The following CHMP1A variants were observed in gnomAD, a reference collection of about 807,000 sequenced individuals.
CHMP1A encodes the protein VPS46 homolog A.
In CHMP1A, 17 loss-of-function variants were observed where a neutral mutation model predicts 27.0. That is an observed-to-expected ratio of 0.63 (90% CI 0.43 to 0.95). The LOEUF is 0.95. Ranked by LOEUF, CHMP1A falls within the 40% of genes least tolerant of loss-of-function variation. The pLI is 0.00. For missense variants in CHMP1A, 275 were observed against 264.0 expected, an observed-to-expected ratio of 1.04 and a Z score of -0.29; for synonymous variants, 131 against 107.5, an observed-to-expected ratio of 1.22 and a Z score of -1.35.
rs996917348 is a variant in CHMP1A at position 89,657,684 on chromosome 16, C to T, written c.-96G>A. The T allele has an allele frequency of 5.7e-6, 9 of 1,583,196 alleles. No homozygotes were observed. The highest frequency in any genetic ancestry group is 2.8e-5 in the African/African-American group (2 of 72,622). On this transcript the variant is annotated 5_prime_UTR_variant, in exon 1 of 7. The change creates a new upstream start codon in the 5' untranslated region. Transcript: ENST00000397901. ...CGGCGATCGAACCGACCAAGCTGCA[C>T]CCGGCGGGGACTTCCGGGGTCGCCG...
chr16:89,655,391 C>T (rs1024513393), intron 1 of CHMP1A, among the ~76,000 whole-genome samples: 20 of 150,726 alleles, frequency 1.3e-4, no homozygotes, highest in African/African-American at 4.6e-4. Context: ...TCAGCTTTCC[C>T]TCACCTCAGC....
In CHMP1A at chr16:89,649,484, T is replaced by C; in HGVS notation, c.119A>G (p.Lys40Arg). ...ATACACACGGGCACACTCTACATTT[T>C]TCTGCAGAAGGGCCTGAAACCCGCG... is the stretch of plus-strand genomic sequence containing the variant. Reference protein sequence around the residue: ...QAKVKKALLQKNVECARVYAE... With the variant: ...QAKVKKALLQRNVECARVYAE... The change falls in exon 4 of 7, where the codon AAA becomes AGA. Residue 40 changes from lysine to arginine, a missense_variant. By Grantham distance (26) the Lys-to-Arg change is conservative. Coordinates refer to ENST00000397901, the MANE Select transcript of CHMP1A (RefSeq NM_002768.5). 1.2e-6 allele frequency: 2 copies of C among 1,613,736 alleles called. No homozygotes were observed. The highest frequency in any genetic ancestry group is 1.1e-5 in the South Asian group (1 of 91,088).
chr16:89,654,010 G>C, intron 1 of CHMP1A, 87 bp from the exon 2 acceptor site: 4 of 1,377,144 alleles, frequency 2.9e-6, no homozygotes, highest in Non-Finnish European at 4.1e-6. Flanking sequence ...GTTCCTTCTA[G>C]ACACCAGGAG....
rs554616263 is a variant in CHMP1A, at chr16:89,649,977, C to T, written c.106-480G>A. On this transcript the variant is annotated intron_variant, in intron 3 of 6. Transcript: ENST00000397901. ...CCAGCCCAGCCCCCCAAGCAGGCTTCTGCTTCCCCCCGCACCCCTCCAGCA... is the reference window on the plus strand; with the variant it reads ...CCAGCCCAGCCCCCCAAGCAGGCTTTTGCTTCCCCCCGCACCCCTCCAGCA... 1.2e-3 allele frequency among the ~76,000 whole-genome samples: 189 copies of T among 152,204 alleles called. 1 individual carries two copies. The highest frequency in any genetic ancestry group is 4.2e-3 in the African/African-American group (175 of 41,546).
chr16:89,645,533 T>C lies in CHMP1A; in HGVS notation c.*533A>G, dbSNP rs2059766860. The C allele has an allele frequency of 1.0e-5, 2 of 191,640 alleles. No homozygotes were observed. The highest frequency in any genetic ancestry group is 1.5e-4 in the South Asian group (2 of 13,114). 11.9% of individuals were successfully genotyped at this position (191,640 alleles called of 1,614,324 possible). A position where few individuals can be genotyped will look rare whatever the true frequency, so the allele number is the denominator to read the frequency against. Reference sequence around the variant, plus strand: ...GGCCGAGACACCACCCCTGGAGTGATGGAGGAGGAGGATGTCATTGTAAAT... The same window carrying C: ...GGCCGAGACACCACCCCTGGAGTGACGGAGGAGGAGGATGTCATTGTAAAT... On this transcript the variant is annotated 3_prime_UTR_variant, in exon 7 of 7. Transcript: ENST00000397901.
chr16:89,647,245 G>C lies in CHMP1A; in HGVS notation c.339C>G (p.Asp113Glu), dbSNP rs1305456765. The change falls in exon 5 of 7, where the codon GAC (aspartate) becomes GAG (glutamate). Residue 113 changes from aspartate to glutamate, a missense_variant. Transcript: ENST00000397901. ...GGTTCTGCACCTGCTGCTCGAACCT[G>C]TCCATCACTGAGGAGACCTTCTGCA... ...MDLQKVSSVM[D>E]RFEQQVQNLD... 17 of 1,610,122 alleles carry C rather than the reference G, an allele frequency of 1.1e-5. No homozygotes were observed. The highest frequency in any genetic ancestry group is 1.4e-5 in the Non-Finnish European group (17 of 1,178,526).
chr16:89,651,183 G>C (rs1380163349), intron 3 of CHMP1A, among the ~76,000 whole-genome samples: 2 of 152,060 alleles, frequency 1.3e-5, no homozygotes, highest in Non-Finnish European at 2.9e-5. Flanking sequence ...TTCGAGACCG[G>C]CCTGGCCAAC....
intron 5 of CHMP1A, 129 bp from the exon 6 acceptor site, chr16:89,646,843 A>G (rs2059777708): frequency 1.8e-6 from 2 of 1,124,132 alleles, no homozygotes; most frequent in Non-Finnish European, 1.3e-6. Flanking sequence ...CTGTTCTCTC[A>G]GTGACTCTCT....
At chr16:89,650,267 C>G (rs769996082) in intron 3 of CHMP1A, among the ~76,000 whole-genome samples, 10 of 151,392 alleles carry the variant, frequency 6.6e-5, no homozygotes, top group Non-Finnish European at 1.3e-4. Context: ...CAACCTCCAC[C>G]TCCTGGGCTC....
intron 6 of CHMP1A, 63 bp from the exon 7 acceptor site, chr16:89,646,150 T>G: frequency 6.9e-7 from 1 of 1,448,220 alleles, no homozygotes; most frequent in Non-Finnish European, 9.3e-7. Flanking sequence ...CACCACGTGC[T>G]CCCAGCACAG....
chr16:89,655,362 A>ACC (rs2059856157), intron 1 of CHMP1A, among the ~76,000 whole-genome samples: 6 of 147,462 alleles, frequency 4.1e-5, no homozygotes, highest in South Asian at 2.2e-4. Flanking sequence ...CGCCCTCCTC[A>ACC]TCTCAGCTTT....
At chr16:89,656,872 G>A (rs2059878692) in intron 1 of CHMP1A, among the ~76,000 whole-genome samples, 1 of 150,462 alleles carries the variant, frequency 6.6e-6, no homozygotes. Context: ...GCTGAGGAGT[G>A]CCAGGGGCGG....
At position 89,648,428 on chromosome 16, in the gene CHMP1A, A is replaced by C. The variant is rs182928390; in HGVS notation, c.252+923T>G. 5.5e-4 allele frequency among the ~76,000 whole-genome samples: 81 copies of C among 147,968 alleles called. 15 individuals are homozygous for C. The highest frequency in any genetic ancestry group is 7.4e-3 in the Middle Eastern group (2 of 270). On this transcript the variant is annotated intron_variant, in intron 4 of 6. Transcript: ENST00000397901. ...GGGACCCAGCGCGGGGTCGGTGGAG[A>C]AAAGGCCGCCGACGTGGGGTCTCCA...
At chr16:89,653,665 A>G (rs1218069182) in intron 2 of CHMP1A, among the ~76,000 whole-genome samples, 1 of 148,236 alleles carries the variant, frequency 6.7e-6, no homozygotes, top group Non-Finnish European at 1.5e-5. Context: ...TATTTCTTTC[A>G]TGGCTTTCAT....
intron 2 of CHMP1A, 42 bp from the exon 3 acceptor site, chr16:89,651,688 C>T (rs749521264): frequency 1.2e-6 from 2 of 1,601,328 alleles, no homozygotes; most frequent in Non-Finnish European, 1.7e-6. Flanking sequence ...CATGCGGAGC[C>T]CATCCCCCAG....
At chr16:89,654,488 AG>A (rs1346155451) in intron 1 of CHMP1A, among the ~76,000 whole-genome samples, 1 of 152,148 alleles carries the variant, frequency 6.6e-6, no homozygotes. Flanking sequence ...AAAAATAGCA[AG>A]GTGGTAACTC....
intron 5 of CHMP1A, 23 bp from the exon 6 acceptor site, chr16:89,646,737 G>A: frequency 6.2e-7 from 1 of 1,602,422 alleles, no homozygotes; most frequent in South Asian, 1.1e-5. Flanking sequence ...GCATGCTCTG[G>A]ACAACAGGTG....
At chr16:89,654,322 C>G (rs183714907) in intron 1 of CHMP1A, among the ~76,000 whole-genome samples, 1 of 152,196 alleles carries the variant, frequency 6.6e-6, no homozygotes, top group African/African-American at 2.4e-5. Flanking sequence ...GATTCTTTCC[C>G]AATTTAAAAG....
In CHMP1A at chr16:89,647,185, A is replaced by G; in HGVS notation, c.381+18T>C. 6.2e-7 allele frequency: 1 copy of G among 1,606,676 alleles called. No individual in the cohort carries two copies. Among genetic ancestry groups the G allele is most frequent in the Non-Finnish European group, 8.5e-7 (1 of 1,177,458 alleles). ...TCCTTGTCCCCAGGCCACAGCCCCA[A>G]GGGTAGGGGCCACATACCGATGTAT... On this transcript the variant is annotated intron_variant, in intron 5 of 6. Transcript: ENST00000397901.
Sources: allele counts gnomAD v4.1 joint callset (sites outside exome capture counted in the v4.1 genomes callset), GRCh38; gene constraint gnomAD v4.1.1; transcripts MANE v1.5; gene names NCBI Gene and HGNC (gene_info 2026-07-23, HGNC 2026-07-21).